PCDH15: variants seen among roughly 807,000 people sequenced by gnomAD.
The protein encoded by PCDH15 is protocadherin-15.
PCDH15 carries 129 observed loss-of-function variants against 178.5 expected under a neutral mutation model. The ratio of observed to expected loss-of-function variants is 0.72; its 90% CI spans 0.63 to 0.84. The LOEUF (loss-of-function observed/expected upper bound fraction) is 0.84. Ranked by LOEUF, PCDH15 falls within the 40% of genes least tolerant of loss-of-function variation. The pLI is 0.00. For synonymous variants in PCDH15, 800 were observed against 732.0 expected, an observed-to-expected ratio of 1.09 and a Z score of -1.50; for missense variants, 2,230 against 2,099.9, an observed-to-expected ratio of 1.06 and a Z score of -1.21.
chr10:54,410,009 A>G (rs1589259307), intron 3 of PCDH15, among the ~76,000 whole-genome samples: 1 of 152,232 alleles, frequency 6.6e-6, no homozygotes, highest in African/African-American at 2.4e-5. Flanking sequence ...CTGTTACAGC[A>G]ACAGAAAAGC....
chr10:54,096,699 C>T (rs2094706098), intron 15 of PCDH15, among the ~76,000 whole-genome samples: 1 of 152,092 alleles, frequency 6.6e-6, no homozygotes, highest in African/African-American at 2.4e-5. Flanking sequence ...GCACTGAATG[C>T]CATTCATGAG....
At chr10:55,357,017 A>G (rs1252075732) in intron 2 of PCDH15, among the ~76,000 whole-genome samples, 6 of 151,964 alleles carry the variant, frequency 3.9e-5, no homozygotes. Context: ...TAACACCAAT[A>G]TGTTAAAGAT....
At chr10:54,762,107 A>G (rs1180459949) in intron 1 of PCDH15, among the ~76,000 whole-genome samples, 1 of 152,152 alleles carries the variant, frequency 6.6e-6, no homozygotes, top group Non-Finnish European at 1.5e-5. Context: ...CTTGAATCAC[A>G]TTTTACCTAT....
At chr10:53,990,186 C>T (rs756079177) in intron 21 of PCDH15, among the ~76,000 whole-genome samples, 17 of 151,970 alleles carry the variant, frequency 1.1e-4, no homozygotes, top group Admixed American at 6.6e-4. Flanking sequence ...AATAAATGTA[C>T]CCTTGAATGA....
At chr10:54,843,824 T>C (rs1424649222) in intron 3 of PCDH15, among the ~76,000 whole-genome samples, 1 of 151,978 alleles carries the variant, frequency 6.6e-6, no homozygotes, top group Non-Finnish European at 1.5e-5. Context: ...CGGGGATCAG[T>C]GTTTTGAGTC....
chr10:54,807,846 T>C (rs1952802969), intron 3 of PCDH15, among the ~76,000 whole-genome samples: 1 of 151,526 alleles, frequency 6.6e-6, no homozygotes, highest in Non-Finnish European at 1.5e-5. Flanking sequence ...ATTTTTAGGC[T>C]GTAAATTATA....
chr10:54,923,252 G>A lies in PCDH15; in HGVS notation c.-79-25752C>T, dbSNP rs1357985808. On this transcript the variant is annotated intron_variant, in intron 2 of 5. Transcript: ENST00000458638. ...TATCCAGAGGCAGTGCAGAGCAAAGGGTCCCTGGGTCTAGCCCATGAAACC... is the reference window on the plus strand; with the variant it reads ...TATCCAGAGGCAGTGCAGAGCAAAGAGTCCCTGGGTCTAGCCCATGAAACC... 5.1e-5 allele frequency among the ~76,000 whole-genome samples: 7 copies of A among 138,326 alleles called. 2 individuals are homozygous for A. Among genetic ancestry groups the A allele is most frequent in the African/African-American group, 1.7e-4 (7 of 40,136 alleles). The allele number at this position is 138,326 out of a possible 152,430, so 90.7% of individuals were successfully genotyped here.
At chr10:55,145,616 T>C (rs1204893992) in intron 2 of PCDH15, among the ~76,000 whole-genome samples, 1 of 152,038 alleles carries the variant, frequency 6.6e-6, no homozygotes, top group Non-Finnish European at 1.5e-5. Context: ...TTGTGTGTTT[T>C]GGAAGTAGAT....
chr10:54,270,848 T>A (rs1332914728), intron 8 of PCDH15, among the ~76,000 whole-genome samples: 1 of 152,132 alleles, frequency 6.6e-6, no homozygotes, highest in Admixed American at 6.6e-5. Flanking sequence ...CTTGAATTAG[T>A]GAAAAGTTTA....
At position 54,827,545 on chromosome 10, in the gene PCDH15, A is replaced by G. The variant is rs528708481; in HGVS notation, c.-29+69905T>C. On this transcript the variant is annotated intron_variant, in intron 3 of 5. Transcript: ENST00000458638. Reference sequence around the variant, plus strand: ...TCAAGTCTGCAAGATAGACAGTGAGAGAAAAAGCAATTTTCAGTACACAGT... The same window carrying G: ...TCAAGTCTGCAAGATAGACAGTGAGGGAAAAAGCAATTTTCAGTACACAGT... Among the ~76,000 whole-genome samples the G allele has an allele frequency of 4.3e-4, 65 of 152,258 alleles. 1 individual carries two copies. In the Middle Eastern group the frequency reaches 0.02, roughly 48 times the overall value.
At chr10:54,012,136 T>A (rs568742232) in intron 20 of PCDH15, among the ~76,000 whole-genome samples, 16 of 152,102 alleles carry the variant, frequency 1.1e-4, no homozygotes, top group African/African-American at 3.9e-4. Flanking sequence ...TACAAGAGTT[T>A]TATATTGTGA....
chr10:54,255,055 T>C (rs1438228277), intron 8 of PCDH15, among the ~76,000 whole-genome samples: 3 of 152,360 alleles, frequency 2.0e-5, no homozygotes, highest in East Asian at 3.9e-4. Flanking sequence ...GTAATCACAC[T>C]GGTGGGGGTG....
intron 1 of PCDH15, among the ~76,000 whole-genome samples, chr10:54,783,985 G>C (rs117993566): frequency 0.054 from 8,264 of 152,114 alleles, 321 homozygotes; most frequent in Non-Finnish European, 0.087. Flanking sequence ...GAAGGCAAAG[G>C]GGAAACAAGG....
intron 1 of PCDH15, among the ~76,000 whole-genome samples, chr10:54,707,987 TTAAG>T (rs1346303504): frequency 6.6e-6 from 1 of 152,092 alleles, no homozygotes; most frequent in African/African-American, 2.4e-5. Context: ...AGGTAATGAG[TTAAG>T]TAAGTAAATA....
chr10:55,183,783 C>G (rs1322773196), intron 1 of PCDH15, among the ~76,000 whole-genome samples: 1 of 151,756 alleles, frequency 6.6e-6, no homozygotes, highest in Non-Finnish European at 1.5e-5. Context: ...TGTGGGATGA[C>G]CACACGTTTT....
At chr10:55,579,361 G>A (rs895834676) in intron 2 of PCDH15, among the ~76,000 whole-genome samples, 9 of 152,076 alleles carry the variant, frequency 5.9e-5, no homozygotes, top group African/African-American at 9.7e-5. Flanking sequence ...TTAGTGTAAC[G>A]CTTCAAACAT....
chr10:53,806,430 TG>T lies in PCDH15; in HGVS notation c.*148del, dbSNP rs1260439837. ...ATTGATAACAATGTGAGTGCAAATC[TG>T]TCTCTTAAAATTTTAAAGCATATTG... On this transcript the variant is annotated 3_prime_UTR_variant, in exon 38 of 38. Coordinates refer to ENST00000644397, the MANE Select transcript of PCDH15 (RefSeq NM_001384140.1). 1.5e-6 allele frequency: 1 copy of T among 680,166 alleles called. No homozygotes were observed. Among genetic ancestry groups the T allele is most frequent in the Non-Finnish European group, 2.4e-6 (1 of 419,450 alleles). The allele number at this position is 680,166 out of a possible 1,614,324, so 42.1% of individuals were successfully genotyped here.
intron 1 of PCDH15, among the ~76,000 whole-genome samples, chr10:55,259,681 G>A (rs570437895): frequency 4.6e-5 from 7 of 152,004 alleles, no homozygotes; most frequent in South Asian, 4.2e-4. Context: ...TGAGGTGGGC[G>A]GATCACCTGA....
intron 1 of PCDH15, among the ~76,000 whole-genome samples, chr10:54,741,764 T>G (rs778690895): frequency 1.3e-5 from 2 of 151,958 alleles, no homozygotes; most frequent in African/African-American, 2.4e-5. Context: ...ACCTGAGTCT[T>G]TCTCAATTTG....
Sources: allele counts gnomAD v4.1 joint callset (sites outside exome capture counted in the v4.1 genomes callset), GRCh38; gene constraint gnomAD v4.1.1; transcripts MANE v1.5; gene names NCBI Gene and HGNC (gene_info 2026-07-23, HGNC 2026-07-21).